PTPRG: variants seen among roughly 807,000 people sequenced by gnomAD.
PTPRG encodes receptor-type tyrosine-protein phosphatase gamma.
A neutral mutation model predicts 165.3 loss-of-function variants in PTPRG; 102 were observed. That is an observed-to-expected ratio of 0.62 (90% CI 0.53 to 0.73). PTPRG has a LOEUF of 0.73. Among genes scored for constraint, PTPRG ranks in the 30% least tolerant of loss-of-function variants. PTPRG has a pLI of 0.00. For missense variants in PTPRG, 1,866 were observed against 1,861.4 expected (o/e 1.00, Z -0.05); for synonymous variants, 675 against 669.5 (o/e 1.01, Z -0.13).
chr3:61,876,627 G>C (rs964951728), intron 2 of PTPRG, among the ~76,000 whole-genome samples: 2 of 151,982 alleles, frequency 1.3e-5, no homozygotes, highest in Non-Finnish European at 2.9e-5. Context: ...TTCTTTTCCG[G>C]GCTGGGCGTG....
intron 4 of PTPRG, among the ~76,000 whole-genome samples, chr3:62,007,219 C>A (rs934710438): frequency 6.6e-5 from 10 of 152,322 alleles, no homozygotes; most frequent in African/African-American, 2.2e-4. Flanking sequence ...GGTTTTGTTG[C>A]TTCCCAGGAA....
At chr3:62,062,190 T>C (rs771261629) in intron 4 of PTPRG, among the ~76,000 whole-genome samples, 1 of 148,826 alleles carries the variant, frequency 6.7e-6, no homozygotes, top group Non-Finnish European at 1.5e-5. Context: ...TCCCAGCTAC[T>C]CAGGAGGCTG....
chr3:61,721,377 T>A (rs1439387934), intron 1 of PTPRG, among the ~76,000 whole-genome samples: 3 of 152,180 alleles, frequency 2.0e-5, no homozygotes, highest in African/African-American at 7.2e-5. Context: ...CCAGTAGAGA[T>A]GTTTACAAAC....
intron 4 of PTPRG, among the ~76,000 whole-genome samples, chr3:62,077,170 G>A (rs1199006406): frequency 1.3e-5 from 2 of 152,132 alleles, no homozygotes; most frequent in African/African-American, 2.4e-5. Flanking sequence ...GGAGGCTGAG[G>A]TGGGAGGATC....
chr3:61,786,825 A>T (rs1371896629), intron 2 of PTPRG, among the ~76,000 whole-genome samples: 1 of 152,212 alleles, frequency 6.6e-6, no homozygotes. Context: ...GAAAATTAGC[A>T]TTGTGTCTTT....
At position 62,252,801 on chromosome 3, in the gene PTPRG, A is replaced by G. The variant is rs759521108; in HGVS notation, c.2468-2323A>G. On this transcript the variant is annotated intron_variant, in intron 15 of 29. Coordinates refer to ENST00000474889, the MANE Select transcript of PTPRG (RefSeq NM_002841.4). This position sits in a 1 kb window ranked among gnomAD's most constrained non-coding sequence, Gnocchi z 4.6. The stretch of plus-strand genomic sequence containing the variant: ...GCTATTTATCTTGATTGCAGGGCAA[A>G]TGCTGTATTATCTGGGTAGCTGACA... Among the ~76,000 whole-genome samples, 5 of 152,210 alleles carry G rather than the reference A, an allele frequency of 3.3e-5. No individual in the cohort carries two copies. Among genetic ancestry groups the G allele is most frequent in the Non-Finnish European group, 7.3e-5 (5 of 68,032 alleles).
At chr3:62,100,775 G>C (rs1702264770) in intron 5 of PTPRG, among the ~76,000 whole-genome samples, 2 of 152,198 alleles carry the variant, frequency 1.3e-5, no homozygotes, top group Non-Finnish European at 2.9e-5. Context: ...TTTAAATGGT[G>C]CACTGTTTCC....
chr3:62,176,880 G>T (rs1018335825), intron 8 of PTPRG, among the ~76,000 whole-genome samples: 5 of 152,152 alleles, frequency 3.3e-5, no homozygotes, highest in Non-Finnish European at 7.4e-5. Context: ...TGGGATTCAA[G>T]CATACCTAGA....
At position 61,923,358 on chromosome 3, in the gene PTPRG, G is replaced by A. The variant is rs116610059; in HGVS notation, c.191-66267G>A. On this transcript the variant is annotated intron_variant, in intron 2 of 29. Coordinates refer to ENST00000474889, the MANE Select transcript of PTPRG (RefSeq NM_002841.4). ...TCCTATGCATATCTTTACTTGCTCC[G>A]TGAAATCGCCAGCGTTTTCCCAAAA... Among the ~76,000 whole-genome samples, 546 of 152,000 alleles carry A rather than the reference G, an allele frequency of 3.6e-3. 4 individuals carry two copies. The highest frequency in any genetic ancestry group is 0.012 in the African/African-American group (517 of 41,462).
intron 5 of PTPRG, among the ~76,000 whole-genome samples, chr3:62,121,803 A>G (rs977258985): frequency 6.6e-6 from 1 of 152,222 alleles, no homozygotes; most frequent in Non-Finnish European, 1.5e-5. Flanking sequence ...AAGAAATCAT[A>G]TTATTTTCTC....
chr3:61,572,655 A>C (rs530300526), intron 1 of PTPRG, among the ~76,000 whole-genome samples: 1 of 152,304 alleles, frequency 6.6e-6, no homozygotes, highest in Non-Finnish European at 1.5e-5. Flanking sequence ...TGGTGACCAA[A>C]ACAGATGGAA....
intron 8 of PTPRG, among the ~76,000 whole-genome samples, chr3:62,175,747 G>T (rs1321187272): frequency 6.6e-6 from 1 of 152,196 alleles, no homozygotes; most frequent in African/African-American, 2.4e-5. Context: ...AAATCAAGTC[G>T]TGTGCTAAGA....
At chr3:61,894,725 A>G (rs750196196) in intron 2 of PTPRG, among the ~76,000 whole-genome samples, 2 of 152,348 alleles carry the variant, frequency 1.3e-5, no homozygotes, top group Non-Finnish European at 1.5e-5. Flanking sequence ...CATGGTCACA[A>G]AGAAAACCTT....
rs750319831 is a variant in PTPRG at position 62,128,606 on chromosome 3, C to T, written c.616-3996C>T. On this transcript the variant is annotated intron_variant, in intron 5 of 29. Coordinates refer to ENST00000474889, the MANE Select transcript of PTPRG (RefSeq NM_002841.4). ...TCAGCATTATACTCTAAACTTTAAA[C>T]GTTTAATCCTCATGACAACATTATG... is the stretch of plus-strand genomic sequence containing the variant. 1.8e-4 allele frequency among the ~76,000 whole-genome samples: 28 copies of T among 151,412 alleles called. No homozygotes were observed. In the East Asian group the frequency reaches 3.1e-3, roughly 17 times the overall value.
intron 2 of PTPRG, among the ~76,000 whole-genome samples, chr3:61,866,045 G>C (rs1442497999): frequency 6.6e-6 from 1 of 152,118 alleles, no homozygotes; most frequent in African/African-American, 2.4e-5. Context: ...GCCAGCGTGA[G>C]GATACTGGGA....
At chr3:62,283,968 A>C (rs1702545730) in intron 28 of PTPRG, among the ~76,000 whole-genome samples, 1 of 152,134 alleles carries the variant, frequency 6.6e-6, no homozygotes, top group Non-Finnish European at 1.5e-5. Flanking sequence ...GACAACCATC[A>C]ACAGTGTTTA....
intron 2 of PTPRG, among the ~76,000 whole-genome samples, chr3:61,867,425 A>G (rs553601665): frequency 6.6e-6 from 1 of 152,318 alleles, no homozygotes; most frequent in East Asian, 1.9e-4. Context: ...TCACCATTCC[A>G]AGGCGAGTCT....
At chr3:62,101,772 A>G (rs1702296295) in intron 5 of PTPRG, among the ~76,000 whole-genome samples, 1 of 152,236 alleles carries the variant, frequency 6.6e-6, no homozygotes, top group Non-Finnish European at 1.5e-5. Flanking sequence ...CTGGGAATGG[A>G]ACCACATAGA....
chr3:61,980,930 G>C (rs1397331496), intron 2 of PTPRG, among the ~76,000 whole-genome samples: 1 of 152,154 alleles, frequency 6.6e-6, no homozygotes, highest in Non-Finnish European at 1.5e-5. Flanking sequence ...ACAAAATTTT[G>C]GGCCTTGCCT....
Sources: gnomAD v4.1 joint callset for allele counts (sites outside exome capture counted in the v4.1 genomes callset) on GRCh38, gnomAD v4.1.1 for gene constraint, Gnocchi (gnomAD v3.1) non-coding constraint, MANE v1.5 for transcripts, NCBI Gene and HGNC (gene_info 2026-07-23, HGNC 2026-07-21) for gene names.